Variants in NNMT observed in about 807,000 individuals in gnomAD.
The protein encoded by NNMT is nicotinamide N-methyltransferase.
NNMT carries 10 observed loss-of-function variants against 11.7 expected under a neutral mutation model. The observed-to-expected ratio is 0.85, with a 90% CI of 0.53 to 1.45. NNMT has a LOEUF of 1.45. Ranked by LOEUF, NNMT falls within the 40% of genes most tolerant of loss-of-function variation. NNMT has a pLI of 0.00. For missense variants in NNMT, 381 were observed against 319.4 expected (o/e 1.19, Z -1.47); for synonymous variants, 143 against 133.8 (o/e 1.07, Z -0.48).
chr11:114,277,053 ATC>A (rs1945218496), intron 2 of NNMT, among the ~76,000 whole-genome samples: 1 of 152,028 alleles, frequency 6.6e-6, no homozygotes, highest in East Asian at 1.9e-4. Context: ...GTGAAACCCC[ATC>A]TCTACAAAAT....
intron 2 of NNMT, among the ~76,000 whole-genome samples, chr11:114,309,469 G>T (rs948499947): frequency 6.6e-6 from 1 of 152,112 alleles, no homozygotes; most frequent in Non-Finnish European, 1.5e-5. Flanking sequence ...ACCATTTCTA[G>T]CCTTGATAAA....
intron 2 of NNMT, among the ~76,000 whole-genome samples, chr11:114,290,848 A>C (rs1945329292): frequency 6.6e-6 from 1 of 152,218 alleles, no homozygotes; most frequent in Non-Finnish European, 1.5e-5. Context: ...CTAAGTTGAC[A>C]ATTGCTTTGT....
intron 2 of NNMT, among the ~76,000 whole-genome samples, chr11:114,309,254 T>A (rs752867075): frequency 5.9e-5 from 9 of 152,212 alleles, no homozygotes; most frequent in Non-Finnish European, 1.0e-4. Flanking sequence ...TTCTACAGTG[T>A]TTTTCTTTTT....
At chr11:114,292,716 G>A (rs1437938121), upstream of NNMT, among the ~76,000 whole-genome samples, 1 of 152,058 alleles carries the variant, frequency 6.6e-6, no homozygotes, top group Non-Finnish European at 1.5e-5. Flanking sequence ...TCATTACAAG[G>A]AAACAGATTC....
intron 2 of NNMT, among the ~76,000 whole-genome samples, chr11:114,283,068 T>G (rs1006390249): frequency 1.3e-5 from 2 of 152,194 alleles, no homozygotes; most frequent in African/African-American, 4.8e-5. Flanking sequence ...CATGCACTGC[T>G]GATGGGGGTG....
chr11:114,292,606 G>A (rs1287294817), upstream of NNMT, among the ~76,000 whole-genome samples: 1 of 152,142 alleles, frequency 6.6e-6, no homozygotes, highest in African/African-American at 2.4e-5. Flanking sequence ...GAAATAACAT[G>A]TTTTTCTTTC....
intron 2 of NNMT, among the ~76,000 whole-genome samples, chr11:114,283,083 C>G (rs1368110891): frequency 6.6e-6 from 1 of 151,926 alleles, no homozygotes; most frequent in African/African-American, 2.4e-5. Context: ...GGGGTGTAGA[C>G]TGGTATAGCC....
chr11:114,309,162 A>G (rs1358228741), intron 2 of NNMT, among the ~76,000 whole-genome samples: 1 of 152,140 alleles, frequency 6.6e-6, no homozygotes, highest in Non-Finnish European at 1.5e-5. Context: ...ACACTTTATT[A>G]TTATTCCTAT....
Position 114,296,484 on chromosome 11 carries a change from T to A in NNMT, c.-73T>A, listed in dbSNP as rs1326539231. The A allele has an allele frequency of 6.5e-7, 1 of 1,531,794 alleles. No individual in the cohort carries two copies. Among genetic ancestry groups the A allele is most frequent in the Non-Finnish European group, 8.9e-7 (1 of 1,127,750 alleles). The allele number at this position is 1,531,794 out of a possible 1,614,324, so 94.9% of individuals were successfully genotyped here. ...GCCTGAGACTCAGGAAGACAACTTC[T>A]GCAGGGTCACTCCCTGGCTTCTGGA... On this transcript the variant is annotated 5_prime_UTR_variant, in exon 1 of 3. Coordinates refer to ENST00000299964, the MANE Select transcript of NNMT (RefSeq NM_006169.3).
chr11:114,260,465 C>T (rs1229222751), intron 1 of NNMT, among the ~76,000 whole-genome samples: 2 of 152,210 alleles, frequency 1.3e-5, no homozygotes, highest in African/African-American at 4.8e-5. Context: ...CAGCCTTTAC[C>T]AAGCAGGTCT....
At chr11:114,297,710 C>T (rs991171294) in intron 1 of NNMT, among the ~76,000 whole-genome samples, 1 of 152,152 alleles carries the variant, frequency 6.6e-6, no homozygotes, top group African/African-American at 2.4e-5. Context: ...TGGTCTCATC[C>T]TCCAGGCCTC....
At chr11:114,264,698 C>G (rs1012916088) in intron 2 of NNMT, among the ~76,000 whole-genome samples, 1 of 152,238 alleles carries the variant, frequency 6.6e-6, no homozygotes, top group African/African-American at 2.4e-5. Flanking sequence ...TTGATCCGTG[C>G]TTCTGATGAC....
chr11:114,291,993 T>C (rs1175938952), upstream of NNMT, among the ~76,000 whole-genome samples: 3 of 152,256 alleles, frequency 2.0e-5, no homozygotes, highest in African/African-American at 7.2e-5. Context: ...CTAGTCCATT[T>C]GATCTCTCTT....
intron 2 of NNMT, among the ~76,000 whole-genome samples, chr11:114,276,882 C>A (rs1187033910): frequency 2.0e-5 from 3 of 152,216 alleles, no homozygotes; most frequent in Non-Finnish European, 4.4e-5. Context: ...GCTCTGTGAC[C>A]TTTGGTGGGT....
chr11:114,278,702 G>T (rs1945234869), intron 2 of NNMT, among the ~76,000 whole-genome samples: 1 of 152,080 alleles, frequency 6.6e-6, no homozygotes, highest in South Asian at 2.1e-4. Flanking sequence ...GTGGAGAGTG[G>T]CTAGATCTGT....
intron 2 of NNMT, among the ~76,000 whole-genome samples, chr11:114,289,225 G>A (rs1945318832): frequency 6.6e-6 from 1 of 152,172 alleles, no homozygotes; most frequent in Admixed American, 6.5e-5. Flanking sequence ...TGCAGCATCT[G>A]CCATGAGGTT....
At chr11:114,301,406 G>A (rs1332768776) in intron 2 of NNMT, among the ~76,000 whole-genome samples, 1 of 152,010 alleles carries the variant, frequency 6.6e-6, no homozygotes, top group African/African-American at 2.4e-5. Context: ...AATAAACTGT[G>A]GTACATTTAG....
At chr11:114,296,084 T>C (rs942009138), upstream of NNMT, 1 of 154,022 alleles carries the variant, frequency 6.5e-6, no homozygotes, top group Non-Finnish European at 1.4e-5. Context: ...CATGTTTAAA[T>C]TTAAACCATT....
chr11:114,290,111 G>A (rs1426561157), intron 2 of NNMT, among the ~76,000 whole-genome samples: 4 of 152,192 alleles, frequency 2.6e-5, no homozygotes, highest in Non-Finnish European at 1.5e-5. Flanking sequence ...ATACTGCTAT[G>A]TTGAGCGTTA....
Sources: allele counts gnomAD v4.1 joint callset (sites outside exome capture counted in the v4.1 genomes callset), GRCh38; gene constraint gnomAD v4.1.1; transcripts MANE v1.5; gene names NCBI Gene and HGNC (gene_info 2026-07-23, HGNC 2026-07-21).